TPD52L1: variants seen among roughly 807,000 people sequenced by gnomAD.
TPD52L1 encodes TPD52 like 1, also known as tumor protein D53.
TPD52L1 carries 18 observed loss-of-function variants against 28.7 expected under a neutral mutation model. The ratio of observed to expected loss-of-function variants is 0.63; its 90% CI spans 0.43 to 0.93. The LOEUF (loss-of-function observed/expected upper bound fraction) is 0.93, where lower values mean the gene tolerates loss of function less well. Ranked by LOEUF, TPD52L1 falls within the 40% of genes least tolerant of loss-of-function variation. The pLI, the probability that TPD52L1 is intolerant of heterozygous loss-of-function variation, is 0.00. For synonymous variants in TPD52L1, 75 were observed against 88.8 expected (o/e 0.84, Z 0.88); for missense variants, 203 against 254.8 (o/e 0.80, Z 1.39).
chr6:125,206,420 A>C (rs1307586514), intron 1 of TPD52L1, among the ~76,000 whole-genome samples: 1 of 152,210 alleles, frequency 6.6e-6, no homozygotes, highest in Non-Finnish European at 1.5e-5. Flanking sequence ...AAAATATTTT[A>C]GATCAAATGA....
intron 1 of TPD52L1, among the ~76,000 whole-genome samples, chr6:125,199,795 A>T (rs1258335086): frequency 6.6e-6 from 1 of 152,242 alleles, no homozygotes; most frequent in African/African-American, 2.4e-5. Context: ...AGGAAATAAG[A>T]TAGTGAAAAA....
intron 1 of TPD52L1, among the ~76,000 whole-genome samples, chr6:125,174,257 A>C (rs978060415): frequency 1.3e-5 from 2 of 152,216 alleles, no homozygotes; most frequent in Non-Finnish European, 2.9e-5. Context: ...AGTGAAACAG[A>C]CACGAAAGAA....
rs1352277000 is a variant in TPD52L1, at chr6:125,245,148, A to G, written c.285-3134A>G. 5.3e-5 allele frequency among the ~76,000 whole-genome samples: 8 copies of G among 152,164 alleles called. No individual in the cohort carries two copies. The East Asian group carries it at 1.2e-3, about 22-fold the overall frequency. ...GTGGCAGGGGAGTGAAGTAGACTCT[A>G]TGAGAATCCTTGGGTTTAACGTGCC... On this transcript the variant is annotated intron_variant, in intron 3 of 6. Transcript: ENST00000534000.
chr6:125,182,380 G>T (rs976758337), intron 1 of TPD52L1, among the ~76,000 whole-genome samples: 3 of 152,156 alleles, frequency 2.0e-5, no homozygotes, highest in Admixed American at 6.5e-5. Context: ...AGCTGGAGTC[G>T]TGAGCAAAGT....
chr6:125,219,808 T>C (rs1169633167), intron 1 of TPD52L1: 1 of 428,708 alleles, frequency 2.3e-6, no homozygotes, highest in East Asian at 5.0e-5. Context: ...TTCACCAAGG[T>C]GGTAAATGTA....
At chr6:125,172,588 T>C (rs1791558965) in intron 1 of TPD52L1, among the ~76,000 whole-genome samples, 1 of 122,396 alleles carries the variant, frequency 8.2e-6, no homozygotes, top group Admixed American at 9.0e-5. Flanking sequence ...TAGGTATATA[T>C]ATACAATTAT....
intron 5 of TPD52L1, among the ~76,000 whole-genome samples, chr6:125,254,991 A>T (rs986185401): frequency 6.6e-6 from 1 of 152,214 alleles, no homozygotes; most frequent in Non-Finnish European, 1.5e-5. Flanking sequence ...ATTTGGTGGT[A>T]AACAGAGAGT....
chr6:125,248,292 A>T lies in TPD52L1; in HGVS notation c.295A>T (p.Thr99Ser). ...CTGTTTTATTTCTAGCTACAAGAAA[A>T]CACATGAAACCCTGAGTCACGCAGG... ...DMQTTTAYKK[T>S]HETLSHAGQK... The change falls in exon 4 of 7, where the codon ACA becomes TCA. Residue 99 changes from threonine (T) to serine (S), a missense_variant. Physicochemically the swap from Thr to Ser is moderately conservative, Grantham distance 58 (BLOSUM62 1). Coordinates refer to ENST00000534000, the MANE Select transcript of TPD52L1 (RefSeq NM_003287.4). 1 of 1,614,010 alleles carries T rather than the reference A, an allele frequency of 6.2e-7. No homozygotes were observed. The highest frequency in any genetic ancestry group is 8.5e-7 in the Non-Finnish European group (1 of 1,179,902).
chr6:125,260,858 G>GAGAA (rs376498734), intron 6 of TPD52L1, among the ~76,000 whole-genome samples: 1 of 144,868 alleles, frequency 6.9e-6, no homozygotes, highest in Non-Finnish European at 1.5e-5. Flanking sequence ...AAGTGAGAGA[G>GAGAA]AGAAAGAAAG....
At chr6:125,161,362 C>T (rs1350192822) in intron 1 of TPD52L1, among the ~76,000 whole-genome samples, 4 of 152,190 alleles carry the variant, frequency 2.6e-5, no homozygotes, top group African/African-American at 9.6e-5. Context: ...GTCTATTTCA[C>T]TTTCTTATCA....
rs1371188275 is a variant in TPD52L1, at chr6:125,229,200, T to C, written c.218T>C (p.Met73Thr). 2 of 1,613,736 alleles carry C rather than the reference T, an allele frequency of 1.2e-6. No homozygotes were observed. The highest frequency in any genetic ancestry group is 8.5e-7 in the Non-Finnish European group (1 of 1,179,804). ...GTTGAGATAAAACAAAAACTCGGCA[T>C]GAACCTGATGAATGAATTAAAACAG... ...HLVEIKQKLG[M>T]NLMNELKQNF... Residue 73 changes from methionine (M) to threonine (T), a missense_variant, in exon 3 of 7, where the codon ATG becomes ACG. Coordinates refer to ENST00000534000, the MANE Select transcript of TPD52L1 (RefSeq NM_003287.4).
chr6:125,206,759 A>G (rs1794172251), intron 1 of TPD52L1, among the ~76,000 whole-genome samples: 1 of 152,196 alleles, frequency 6.6e-6, no homozygotes, highest in African/African-American at 2.4e-5. Context: ...TGGCATGTTG[A>G]AAGCAATGTG....
intron 1 of TPD52L1, among the ~76,000 whole-genome samples, chr6:125,202,065 T>G (rs1196273527): frequency 6.6e-6 from 1 of 152,156 alleles, no homozygotes; most frequent in African/African-American, 2.4e-5. Context: ...CTGGCTGCAG[T>G]CCCAGTAGGC....
chr6:125,219,876 T>C, intron 1 of TPD52L1: 1 of 598,438 alleles, frequency 1.7e-6, no homozygotes. Flanking sequence ...CTCTTAATTT[T>C]TTTCTTTTTT....
intron 6 of TPD52L1, chr6:125,261,181 T>A (rs1241962696): frequency 2.6e-5 from 4 of 152,206 alleles, no homozygotes; most frequent in African/African-American, 9.6e-5. Context: ...GTATTTACTG[T>A]CTGGCCCTTT....
At chr6:125,218,598 C>T (rs975815336) in intron 1 of TPD52L1, among the ~76,000 whole-genome samples, 7 of 152,122 alleles carry the variant, frequency 4.6e-5, no homozygotes, top group Non-Finnish European at 1.0e-4. Context: ...CATTATTAAT[C>T]TTGTTCGTCC....
intron 1 of TPD52L1, among the ~76,000 whole-genome samples, chr6:125,185,924 C>T (rs1420821054): frequency 6.9e-5 from 9 of 130,790 alleles, no homozygotes; most frequent in Non-Finnish European, 9.3e-5. Context: ...GACAGAGTCT[C>T]ACTCTGTCGC....
At chr6:125,207,009 A>G (rs1024301470) in intron 1 of TPD52L1, among the ~76,000 whole-genome samples, 1 of 151,898 alleles carries the variant, frequency 6.6e-6, no homozygotes, top group Admixed American at 6.5e-5. Context: ...TTTGCTATTG[A>G]CAAACAAACA....
chr6:125,154,473 G>A (rs1053791831), intron 1 of TPD52L1: 2 of 985,776 alleles, frequency 2.0e-6, no homozygotes, highest in Admixed American at 6.1e-5. Flanking sequence ...CCCGCTCGGG[G>A]ACCCGCCTTC....
Sources: gnomAD v4.1 joint callset for allele counts (sites outside exome capture counted in the v4.1 genomes callset) on GRCh38, gnomAD v4.1.1 for gene constraint, MANE v1.5 for transcripts, NCBI Gene and HGNC (gene_info 2026-07-23, HGNC 2026-07-21) for gene names.